Variants in NELL1 observed in about 807,000 individuals in gnomAD.
The protein encoded by NELL1 is protein kinase C-binding protein NELL1.
Under a neutral mutation model 107.4 loss-of-function variants are expected in NELL1, and 76 were observed. That is an observed-to-expected ratio of 0.71 (90% CI 0.59 to 0.86). The LOEUF (loss-of-function observed/expected upper bound fraction) is 0.86, where lower values mean the gene tolerates loss of function less well. NELL1 is among the 40% of genes least tolerant of loss of function. The pLI is 0.00. For synonymous variants in NELL1, 353 were observed against 341.2 expected (o/e 1.03, Z -0.38); for missense variants, 1,024 against 1,005.5 (o/e 1.02, Z -0.25).
rs1449137408 is a variant in NELL1 at position 21,560,256 on chromosome 11, G to C, written c.1854G>C (p.Gly618=). The C allele has an allele frequency of 6.2e-7, 1 of 1,613,540 alleles. No individual in the cohort carries two copies. Among genetic ancestry groups the C allele is most frequent in the Non-Finnish European group, 8.5e-7 (1 of 1,179,770 alleles). The change falls in exon 17 of 20, where the codon GGG becomes GGC. Residue 618 remains glycine, a synonymous_variant. Transcript: ENST00000357134. ...WNDSACINLA[G]GFDCLCPSGP... is the part of the protein sequence containing the mutation. ...ATTCTGCCTGCATCAACCTGGCAGG[G>C]GGCTTTGACTGTCTCTGCCCCTCTG...
intron 13 of NELL1, among the ~76,000 whole-genome samples, chr11:21,149,574 C>T (rs985762974): frequency 6.6e-6 from 1 of 152,180 alleles, no homozygotes; most frequent in East Asian, 1.9e-4. Context: ...TTTATCTCCA[C>T]CTGACCCCAC....
At chr11:21,001,293 G>A (rs919165404) in intron 12 of NELL1, among the ~76,000 whole-genome samples, 2 of 152,196 alleles carry the variant, frequency 1.3e-5, no homozygotes, top group African/African-American at 4.8e-5. Flanking sequence ...AAGTTGTTAA[G>A]TTGTTCCCAC....
intron 13 of NELL1, among the ~76,000 whole-genome samples, chr11:21,222,004 ATTCT>A (rs1857769155): frequency 6.6e-6 from 1 of 151,886 alleles, no homozygotes; most frequent in Non-Finnish European, 1.5e-5. Context: ...TAGTTGAATG[ATTCT>A]TTATATTTCT....
chr11:21,450,390 C>T (rs1853547515), intron 15 of NELL1, among the ~76,000 whole-genome samples: 1 of 152,110 alleles, frequency 6.6e-6, no homozygotes, highest in Non-Finnish European at 1.5e-5. Flanking sequence ...TAGAATCAGG[C>T]TGCTGTAGTG....
At chr11:20,670,858 C>G (rs1428290959) in intron 1 of NELL1, among the ~76,000 whole-genome samples, 1 of 152,198 alleles carries the variant, frequency 6.6e-6, no homozygotes, top group African/African-American at 2.4e-5. Flanking sequence ...TTATTTCCTT[C>G]TTTAGAGGCG....
At chr11:20,941,128 G>A (rs1850844791) in intron 10 of NELL1, among the ~76,000 whole-genome samples, 2 of 152,052 alleles carry the variant, frequency 1.3e-5, no homozygotes, top group Admixed American at 1.3e-4. Context: ...GACAGAGTGA[G>A]ACGCCATCTC....
chr11:21,059,681 A>T (rs544810739), intron 12 of NELL1, among the ~76,000 whole-genome samples: 6 of 152,154 alleles, frequency 3.9e-5, no homozygotes. Flanking sequence ...GACAGTAGTC[A>T]TCTCTTCTAT....
At chr11:20,900,292 A>T (rs989179880) in intron 5 of NELL1, among the ~76,000 whole-genome samples, 1 of 152,206 alleles carries the variant, frequency 6.6e-6, no homozygotes, top group African/African-American at 2.4e-5. Flanking sequence ...TTTGAGGCCT[A>T]GGCTTGAAAC....
At chr11:21,184,886 T>TA (rs961638431) in intron 13 of NELL1, among the ~76,000 whole-genome samples, 7 of 151,928 alleles carry the variant, frequency 4.6e-5, no homozygotes, top group East Asian at 1.9e-4. Context: ...AATATAATAT[T>TA]AAAAAAATTG....
At chr11:20,883,687 A>C (rs1448873807) in intron 4 of NELL1, among the ~76,000 whole-genome samples, 1 of 152,224 alleles carries the variant, frequency 6.6e-6, no homozygotes, top group Non-Finnish European at 1.5e-5. Context: ...GGGCATAAAT[A>C]ATTTTGCATT....
intron 15 of NELL1, among the ~76,000 whole-genome samples, chr11:21,469,296 T>C (rs1854115770): frequency 6.6e-6 from 1 of 152,042 alleles, no homozygotes; most frequent in Non-Finnish European, 1.5e-5. Flanking sequence ...TGTTTTGTTT[T>C]GCTTCTCTGG....
chr11:21,212,746 G>A (rs1279962904), intron 13 of NELL1, among the ~76,000 whole-genome samples: 2 of 152,134 alleles, frequency 1.3e-5, no homozygotes, highest in Non-Finnish European at 2.9e-5. Flanking sequence ...ATAAGGTGGG[G>A]CTAACATTAT....
At chr11:21,370,600 A>G (rs1007780978) in intron 14 of NELL1, among the ~76,000 whole-genome samples, 64 of 152,074 alleles carry the variant, frequency 4.2e-4, no homozygotes, top group African/African-American at 1.5e-3. Flanking sequence ...AGCGGTTACT[A>G]CTAGCTACCA....
intron 16 of NELL1, among the ~76,000 whole-genome samples, chr11:21,542,652 T>C (rs1029602590): frequency 5.9e-5 from 9 of 151,984 alleles, no homozygotes; most frequent in Non-Finnish European, 1.3e-4. Flanking sequence ...TTCTTTGCAT[T>C]TCTGGTGATG....
At chr11:21,283,974 C>A in intron 14 of NELL1, 1 of 342,414 alleles carries the variant, frequency 2.9e-6, no homozygotes, top group Non-Finnish European at 5.8e-6. Context: ...GGAGATGGCA[C>A]TGGGACTGAA....
intron 2 of NELL1, among the ~76,000 whole-genome samples, chr11:20,783,341 C>T (rs979985761): frequency 6.6e-6 from 1 of 152,132 alleles, no homozygotes; most frequent in Non-Finnish European, 1.5e-5. Flanking sequence ...AATTGCTCAG[C>T]GTCCCGTCAA....
At chr11:21,531,708 C>A (rs1855994252) in intron 15 of NELL1, among the ~76,000 whole-genome samples, 1 of 152,138 alleles carries the variant, frequency 6.6e-6, no homozygotes, top group African/African-American at 2.4e-5. Flanking sequence ...ATCAGAATTC[C>A]TTGAATGAGA....
chr11:20,899,596 A>T (rs1849827724), intron 5 of NELL1, among the ~76,000 whole-genome samples: 1 of 152,126 alleles, frequency 6.6e-6, no homozygotes, highest in Admixed American at 6.6e-5. Flanking sequence ...AAGAAAGTAA[A>T]AGGAATGAAA....
chr11:20,801,565 G>A (rs1467936138), intron 3 of NELL1, among the ~76,000 whole-genome samples: 1 of 152,156 alleles, frequency 6.6e-6, no homozygotes, highest in African/African-American at 2.4e-5. Flanking sequence ...TTTCCGTAAA[G>A]AGGTTTTTTA....
Sources: allele counts gnomAD v4.1 joint callset (sites outside exome capture counted in the v4.1 genomes callset), GRCh38; gene constraint gnomAD v4.1.1; transcripts MANE v1.5; gene names NCBI Gene and HGNC (gene_info 2026-07-23, HGNC 2026-07-21).